Variants in GALK2 observed in about 807,000 individuals in gnomAD.
GALK2 encodes galactokinase 2.
GALK2 carries 36 observed loss-of-function variants against 52.4 expected under a neutral mutation model. The ratio of observed to expected loss-of-function variants is 0.69; its 90% CI spans 0.53 to 0.91. The LOEUF (loss-of-function observed/expected upper bound fraction) is 0.91, where lower values mean the gene tolerates loss of function less well. Among genes scored for constraint, GALK2 ranks in the 40% least tolerant of loss-of-function variants. The probability of loss-of-function intolerance (pLI) is 0.00; values close to 1 mark genes in which losing one functional copy is unlikely to be tolerated. For synonymous variants in GALK2, 176 were observed against 199.1 expected (o/e 0.88, Z 0.98); for missense variants, 579 against 559.1 (o/e 1.04, Z -0.36).
At chr15:49,365,652 T>C (rs2045025150) in intron 3 of GALK2, 1 of 1,094,504 alleles carries the variant, frequency 9.1e-7, no homozygotes, top group South Asian at 1.2e-5. Context: ...GGAGAAGGCC[T>C]AGAAGTATCA....
chr15:49,347,712 A>C (rs562194031), intron 3 of GALK2, among the ~76,000 whole-genome samples: 1 of 152,278 alleles, frequency 6.6e-6, no homozygotes, highest in Non-Finnish European at 1.5e-5. Context: ...CTTCAATGAA[A>C]ACTTCCATTA....
chr15:49,177,739 C>A, intron 1 of GALK2: 1 of 818,594 alleles, frequency 1.2e-6, no homozygotes, highest in Non-Finnish European at 1.8e-6. Context: ...ATGCATCACC[C>A]TTTGCTTGTG....
chr15:49,301,608 A>C (rs1296881787), intron 8 of GALK2, among the ~76,000 whole-genome samples: 1 of 151,916 alleles, frequency 6.6e-6, no homozygotes, highest in Non-Finnish European at 1.5e-5. Flanking sequence ...AGTAGAGAGA[A>C]TGGGTCAGTT....
rs541389141 is a variant in GALK2, at chr15:49,220,451, G to A, written c.266+3138G>A. ...TTATGGCTGAGTAGTATTCCATTGT[G>A]TATATATACATTTTCTTTATTTATT... On this transcript the variant is annotated intron_variant, in intron 3 of 9. Coordinates refer to ENST00000560031, the MANE Select transcript of GALK2 (RefSeq NM_002044.4). Among the ~76,000 whole-genome samples, 19 of 152,100 alleles carry A rather than the reference G, an allele frequency of 1.2e-4. No homozygotes were observed. In the South Asian group the frequency reaches 3.7e-3, roughly 30 times the overall value.
chr15:49,309,998 A>G (rs1225816460), intron 8 of GALK2, among the ~76,000 whole-genome samples: 1 of 152,102 alleles, frequency 6.6e-6, no homozygotes, highest in Non-Finnish European at 1.5e-5. Context: ...CCTCCTATCT[A>G]GCTACAATTT....
chr15:49,329,478 T>A lies in GALK2; in HGVS notation c.*1319T>A. The A allele has an allele frequency of 1.0e-6, 1 of 985,274 alleles. No homozygotes were observed. The highest frequency in any genetic ancestry group is 1.2e-6 in the Non-Finnish European group (1 of 829,768). The allele number at this position is 985,274 out of a possible 1,614,324, so 61.0% of individuals were successfully genotyped here. The stretch of plus-strand genomic sequence containing the variant: ...GCTCATTAATGTTTAACTCACAGAT[T>A]GGGCATCACCATCTAGAATTTCAGT... On this transcript the variant is annotated 3_prime_UTR_variant, in exon 10 of 10. Transcript: ENST00000560031.
chr15:49,219,272 A>T (rs1311099463), intron 3 of GALK2, among the ~76,000 whole-genome samples: 1 of 152,140 alleles, frequency 6.6e-6, no homozygotes, highest in African/African-American at 2.4e-5. Flanking sequence ...TGTTCTTGTG[A>T]TAATGAATAA....
chr15:49,301,240 T>C (rs1373088675), intron 8 of GALK2, among the ~76,000 whole-genome samples: 1 of 152,190 alleles, frequency 6.6e-6, no homozygotes, highest in Non-Finnish European at 1.5e-5. Flanking sequence ...ATTTTCTGTT[T>C]CCAAATTTCT....
At chr15:49,327,873 C>A (rs964714236) in intron 9 of GALK2, 79 bp from the exon 10 acceptor site, 98 of 1,354,638 alleles carry the variant, frequency 7.2e-5, no homozygotes, top group Non-Finnish European at 9.9e-5. Context: ...CTTAGATAGG[C>A]TATGTGTTCT....
At chr15:49,235,777 G>T in intron 3 of GALK2, 74 bp from the exon 4 acceptor site, 2 of 936,354 alleles carry the variant, frequency 2.1e-6, no homozygotes, top group South Asian at 2.6e-5. Flanking sequence ...GGCACAAGAT[G>T]GCAGCAGTCA....
intron 5 of GALK2, among the ~76,000 whole-genome samples, chr15:49,278,518 G>A (rs1049982274): frequency 3.9e-5 from 6 of 152,312 alleles, no homozygotes; most frequent in African/African-American, 7.2e-5. Flanking sequence ...CACCAACTGT[G>A]TAGTACTTTA....
At position 49,346,054 on chromosome 15, in the gene GALK2, T is replaced by TA. The variant is rs1274066371; in HGVS notation, c.427-21437_427-21436insA. ...CTTTTGGTCACTTGCTTTTGTTATTTTTTTTTTTTTTCCTTTTTCCATGAA... is the reference window on the plus strand; with the variant it reads ...CTTTTGGTCACTTGCTTTTGTTATTTATTTTTTTTTTTCCTTTTTCCATGAA... On this transcript the variant is annotated intron_variant, in intron 3 of 3. Coordinates refer to the GALK2 transcript ENST00000558399. Among the ~76,000 whole-genome samples the TA allele has an allele frequency of 6.0e-5, 9 of 150,628 alleles. No individual in the cohort carries two copies. In the East Asian group the frequency reaches 9.6e-4, roughly 16 times the overall value.
At chr15:49,358,271 C>T (rs1298282501) in intron 3 of GALK2, among the ~76,000 whole-genome samples, 1 of 143,742 alleles carries the variant, frequency 7.0e-6, no homozygotes, top group African/African-American at 2.6e-5. Context: ...AAAGGGTATT[C>T]AATTAGGAAA....
chr15:49,365,804 CAGAG>C, intron 3 of GALK2: 1 of 863,356 alleles, frequency 1.2e-6, no homozygotes, highest in Non-Finnish European at 2.0e-6. Context: ...ATGCACAGTC[CAGAG>C]AGAAACATAA....
At chr15:49,220,058 C>CTTTTTTT (rs34707025) in intron 3 of GALK2, among the ~76,000 whole-genome samples, 1,140 of 92,658 alleles carry the variant, frequency 0.012, 51 homozygotes, top group Middle Eastern at 0.025. Context: ...AGATACAAGT[C>CTTTTTTT]TTTTTTTTTT....
intron 2 of GALK2, among the ~76,000 whole-genome samples, chr15:49,214,212 A>C (rs2089181953): frequency 6.6e-6 from 1 of 152,150 alleles, no homozygotes. Flanking sequence ...AACATAACCA[A>C]TTATTTTAAG....
At chr15:49,318,285 T>A (rs1567057195) in intron 8 of GALK2, 1 of 152,172 alleles carries the variant, frequency 6.6e-6, no homozygotes, top group Non-Finnish European at 1.5e-5. Context: ...GAAATTACAG[T>A]GTCACTGTGG....
upstream of GALK2, among the ~76,000 whole-genome samples, chr15:49,167,737 A>G (rs1219607145): frequency 6.6e-6 from 1 of 152,228 alleles, no homozygotes; most frequent in Non-Finnish European, 1.5e-5. Context: ...AAAGGAAATA[A>G]TATTTTTCTA....
upstream of GALK2, chr15:49,170,002 A>G: frequency 3.3e-6 from 1 of 304,584 alleles, no homozygotes; most frequent in South Asian, 5.9e-5. Flanking sequence ...CAGGGCGCAA[A>G]AAGAAAACCT....
Sources: allele counts gnomAD v4.1 joint callset (sites outside exome capture counted in the v4.1 genomes callset), GRCh38; gene constraint gnomAD v4.1.1; transcripts MANE v1.5; gene names NCBI Gene and HGNC (gene_info 2026-07-23, HGNC 2026-07-21).